Variants in RANBP17 observed in about 807,000 individuals in gnomAD.
RANBP17 encodes ran-binding protein 17.
A neutral mutation model predicts 141.2 loss-of-function variants in RANBP17; 158 were observed. The ratio of observed to expected loss-of-function variants is 1.12; its 90% confidence interval spans 0.98 to 1.28. RANBP17 has a LOEUF of 1.28. RANBP17 is among the 50% of genes most tolerant of loss of function. The pLI is 0.00. For missense variants in RANBP17, 1,438 were observed against 1,290.7 expected, an observed-to-expected ratio of 1.11 and a Z score of -1.75; for synonymous variants, 430 against 450.0, an observed-to-expected ratio of 0.96 and a Z score of 0.56.
At chr5:171,014,834 A>G (rs1780323514) in intron 14 of RANBP17, among the ~76,000 whole-genome samples, 1 of 152,014 alleles carries the variant, frequency 6.6e-6, no homozygotes, top group Non-Finnish European at 1.5e-5. Flanking sequence ...AATTTCATGT[A>G]TTAGAGAAAT....
chr5:171,298,938 C>A lies in RANBP17; in HGVS notation c.*80C>A. On this transcript the variant is annotated 3_prime_UTR_variant, in exon 28 of 28. Coordinates refer to ENST00000523189, the MANE Select transcript of RANBP17 (RefSeq NM_022897.5). ...CTGGGTCTCAGGACAGTGATGTTGG[C>A]TAGCCCAGGGGAATGTATTTTTCAA... is the stretch of plus-strand genomic sequence containing the variant. 2 of 1,070,424 alleles carry A rather than the reference C, an allele frequency of 1.9e-6. No homozygotes were observed. The highest frequency in any genetic ancestry group is 1.3e-5 in the South Asian group (1 of 74,880). 66.3% of individuals were successfully genotyped at this position (1,070,424 alleles called of 1,614,324 possible).
At chr5:171,004,443 G>A (rs1327938882) in intron 14 of RANBP17, among the ~76,000 whole-genome samples, 3 of 152,156 alleles carry the variant, frequency 2.0e-5, no homozygotes, top group Admixed American at 2.0e-4. Context: ...GACTGGGGGA[G>A]TTTTAAGGGG....
In RANBP17 at chr5:171,289,665, G is replaced by A. The variant is rs1768369560; in HGVS notation, c.2944-4218G>A. Among the ~76,000 whole-genome samples, 4 of 152,294 alleles carry A rather than the reference G, an allele frequency of 2.6e-5. No individual in the cohort carries two copies. In the South Asian group the frequency reaches 8.3e-4, roughly 32 times the overall value. Reference sequence around the variant, plus strand: ...GAGGTGGAGTTGCTTGAGACCAGGAGTTCGAGGCTGCAGTGAGCCATGATC... The same window carrying A: ...GAGGTGGAGTTGCTTGAGACCAGGAATTCGAGGCTGCAGTGAGCCATGATC... On this transcript the variant is annotated intron_variant, in intron 25 of 27. Coordinates refer to ENST00000523189, the MANE Select transcript of RANBP17 (RefSeq NM_022897.5).
Position 170,919,502 on chromosome 5 carries a change from C to T in RANBP17, c.1163C>T (p.Ala388Val). 1.9e-6 allele frequency: 3 copies of T among 1,611,732 alleles called. No individual in the cohort carries two copies. Among genetic ancestry groups the T allele is most frequent in the Non-Finnish European group, 2.5e-6 (3 of 1,178,780 alleles). ...YLLTLWQRMV[A>V]SVPFVKSTEP... ...TTAACTCTGTGGCAAAGGATGGTAG[C>T]ATCTGTTCCTTTTGTGAAATCAACT... Residue 388 changes from alanine (A) to valine (V), a missense_variant, in exon 11 of 28, where the codon GCA becomes GTA. Physicochemically the swap from Ala to Val is moderately conservative, Grantham distance 64. Transcript: ENST00000523189.
At position 171,136,414 on chromosome 5, in the gene RANBP17, T is replaced by C. The variant is rs891803395; in HGVS notation, c.1711-33716T>C. On this transcript the variant is annotated intron_variant, in intron 14 of 27. Transcript: ENST00000523189. Reference sequence around the variant, plus strand: ...ACTCGGATTTTCTCACCTTTTTTTTTCTTTTCTTTTCTTTTCTTGAAAGAG... The same window carrying C: ...ACTCGGATTTTCTCACCTTTTTTTTCCTTTTCTTTTCTTTTCTTGAAAGAG... Among the ~76,000 whole-genome samples, 11 of 152,096 alleles carry C rather than the reference T, an allele frequency of 7.2e-5. No individual in the cohort carries two copies. In the East Asian group the frequency reaches 1.9e-3, roughly 27 times the overall value.
chr5:170,920,981 T>C (rs549625441), intron 11 of RANBP17, among the ~76,000 whole-genome samples: 55 of 152,352 alleles, frequency 3.6e-4, no homozygotes, highest in African/African-American at 1.2e-3. Context: ...TTGTAGATTC[T>C]GGGTATTAGC....
At chr5:170,896,940 G>T (rs1255319478) in intron 5 of RANBP17, 4 of 738,630 alleles carry the variant, frequency 5.4e-6, no homozygotes, top group Non-Finnish European at 9.4e-6. Flanking sequence ...TGACCCAGTT[G>T]GTGGTCATAC....
Position 170,914,254 on chromosome 5 carries a change from A to C in RANBP17, c.834+14A>C. ...CTATCTCAGTTAGTAAGTAAAAGTC[A>C]TTCGTTATTTCGTTAAAAAATACCT... On this transcript the variant is annotated intron_variant, in intron 8 of 27. Coordinates refer to ENST00000523189, the MANE Select transcript of RANBP17 (RefSeq NM_022897.5). The C allele has an allele frequency of 6.5e-7, 1 of 1,540,190 alleles. No homozygotes were observed. Among genetic ancestry groups the C allele is most frequent in the Non-Finnish European group, 9.0e-7 (1 of 1,114,314 alleles).
chr5:170,994,527 G>C (rs1421215372), intron 14 of RANBP17, among the ~76,000 whole-genome samples: 1 of 152,026 alleles, frequency 6.6e-6, no homozygotes, highest in Non-Finnish European at 1.5e-5. Context: ...ATGATTCTGA[G>C]TAACTAGATA....
At chr5:170,953,505 C>G in intron 12 of RANBP17, 92 bp from the exon 13 acceptor site, 2 of 747,856 alleles carry the variant, frequency 2.7e-6, no homozygotes, top group Non-Finnish European at 4.5e-6. Context: ...TTTGGAAGAA[C>G]AGATCATTGT....
At chr5:171,153,599 G>A (rs867496435) in intron 14 of RANBP17, among the ~76,000 whole-genome samples, 4 of 152,250 alleles carry the variant, frequency 2.6e-5, no homozygotes, top group Middle Eastern at 6.8e-3. Context: ...GGAAGACAGG[G>A]GAAGACTGAC....
chr5:170,916,688 AT>A, intron 9 of RANBP17, 104 bp downstream of exon 9: 1 of 738,578 alleles, frequency 1.4e-6, no homozygotes, highest in Non-Finnish European at 2.1e-6. Flanking sequence ...GGAAGAAAAC[AT>A]TTAGTATCAT....
At chr5:170,862,187 G>A (rs1766845020) in intron 1 of RANBP17, 136 bp downstream of exon 1, 1 of 908,458 alleles carries the variant, frequency 1.1e-6, no homozygotes, top group Non-Finnish European at 1.5e-6. Context: ...CCCAGCCCCT[G>A]CCTCTGCCCC....
chr5:170,997,344 A>G lies in RANBP17; in HGVS notation c.1710+28967A>G, dbSNP rs1445457215. On this transcript the variant is annotated intron_variant, in intron 14 of 27. Transcript: ENST00000523189. Reference sequence around the variant, plus strand: ...GAGTGGAGGGCGGAGAGTTTGTTCAATCCAGCGTCCTGTATCCCTCAGAGA... The same window carrying G: ...GAGTGGAGGGCGGAGAGTTTGTTCAGTCCAGCGTCCTGTATCCCTCAGAGA... Among the ~76,000 whole-genome samples, 10 of 152,248 alleles carry G rather than the reference A, an allele frequency of 6.6e-5. No individual in the cohort carries two copies. In the South Asian group the frequency reaches 1.5e-3, roughly 22 times the overall value.
chr5:171,102,752 G>A (rs533547648), intron 14 of RANBP17, among the ~76,000 whole-genome samples: 206 of 151,826 alleles, frequency 1.4e-3, no homozygotes, highest in Non-Finnish European at 2.2e-3. Flanking sequence ...TTTGGTCTTC[G>A]ATGTTGGTGA....
chr5:171,091,612 C>T (rs1786284868), intron 14 of RANBP17, among the ~76,000 whole-genome samples: 3 of 152,290 alleles, frequency 2.0e-5, no homozygotes, highest in South Asian at 4.1e-4. Flanking sequence ...TGTGTCCCCA[C>T]CCAAATCTCA....
chr5:171,048,216 C>T (rs1479638804), intron 14 of RANBP17, among the ~76,000 whole-genome samples: 1 of 152,130 alleles, frequency 6.6e-6, no homozygotes, highest in African/African-American at 2.4e-5. Flanking sequence ...GTGCACTACA[C>T]ACCCAACTAA....
At chr5:171,059,326 G>T (rs917903287) in intron 14 of RANBP17, among the ~76,000 whole-genome samples, 1 of 152,140 alleles carries the variant, frequency 6.6e-6, no homozygotes, top group East Asian at 1.9e-4. Flanking sequence ...AATCCATCTT[G>T]AATTAATTTT....
intron 14 of RANBP17, among the ~76,000 whole-genome samples, chr5:170,997,128 C>T (rs1318702038): frequency 6.6e-6 from 1 of 152,260 alleles, no homozygotes; most frequent in South Asian, 2.1e-4. Context: ...GTAGTTCCTG[C>T]TGCATTCATT....
Sources: allele counts gnomAD v4.1 joint callset (sites outside exome capture counted in the v4.1 genomes callset), GRCh38; gene constraint gnomAD v4.1.1; transcripts MANE v1.5; gene names NCBI Gene and HGNC (gene_info 2026-07-23, HGNC 2026-07-21).